The following CLEC1B variants were observed in gnomAD, a reference collection of about 807,000 sequenced individuals.
The protein encoded by CLEC1B is C-type lectin-like receptor 2.
Under a neutral mutation model 26.7 loss-of-function variants are expected in CLEC1B, and 26 were observed. The observed-to-expected ratio is 0.97, with a 90% CI of 0.71 to 1.35. The LOEUF (loss-of-function observed/expected upper bound fraction) is 1.35. Ranked by LOEUF, CLEC1B falls within the 40% of genes most tolerant of loss-of-function variation. The probability of loss-of-function intolerance (pLI) is 0.00; values close to 1 mark genes in which losing one functional copy is unlikely to be tolerated. For synonymous variants in CLEC1B, 112 were observed against 96.0 expected (o/e 1.17, Z -0.97); for missense variants, 293 against 282.6 (o/e 1.04, Z -0.26).
In CLEC1B at chr12:9,994,448, T is replaced by C. The variant is rs540966621; in HGVS notation, c.545+692A>G. ...CATAATTTGAGTAATAATCAGATTA[T>C]ATAAGTTTTGGTTATCAGTTTAAAT... On this transcript the variant is annotated intron_variant, in intron 5 of 5. Coordinates refer to ENST00000298527, the MANE Select transcript of CLEC1B (RefSeq NM_016509.4). Among the ~76,000 whole-genome samples, 5 of 152,294 alleles carry C rather than the reference T, an allele frequency of 3.3e-5. No individual in the cohort carries two copies. The South Asian group carries it at 1.0e-3, about 32-fold the overall frequency.
intron 2 of CLEC1B, among the ~76,000 whole-genome samples, chr12:9,997,942 T>C (rs11834434): frequency 0.028 from 4,247 of 149,110 alleles, 208 homozygotes; most frequent in African/African-American, 0.098. Context: ...ATATATGAAA[T>C]TGAAAAACTC....
At chr12:10,001,881 C>CTTTT (rs11436719), upstream of CLEC1B, among the ~76,000 whole-genome samples, 5 of 134,214 alleles carry the variant, frequency 3.7e-5, no homozygotes, top group Non-Finnish European at 4.7e-5. Flanking sequence ...TAAACAAAAT[C>CTTTT]TTTTTTTTTT....
chr12:9,996,817 C>T (rs1396172079), intron 4 of CLEC1B, 29 bp downstream of exon 4: 1 of 1,613,002 alleles, frequency 6.2e-7, no homozygotes, highest in Non-Finnish European at 8.5e-7. Flanking sequence ...TCCTTGCCTC[C>T]AAAATATTTG....
upstream of CLEC1B, among the ~76,000 whole-genome samples, chr12:10,001,693 G>A (rs999778553): frequency 2.0e-5 from 3 of 152,166 alleles, no homozygotes; most frequent in African/African-American, 7.2e-5. Flanking sequence ...GCAGGAAAGA[G>A]AGATAGATAT....
At chr12:9,996,190 G>A (rs759994340) in intron 4 of CLEC1B, among the ~76,000 whole-genome samples, 1 of 151,898 alleles carries the variant, frequency 6.6e-6, no homozygotes, top group Non-Finnish European at 1.5e-5. Flanking sequence ...TTGAGCCACC[G>A]GGAACCTTTC....
chr12:9,999,965 G>C (rs1227072405), upstream of CLEC1B, among the ~76,000 whole-genome samples: 1 of 152,124 alleles, frequency 6.6e-6, no homozygotes, highest in African/African-American at 2.4e-5. Flanking sequence ...TTTATGAAAT[G>C]GGCTTTTACA....
intron 2 of CLEC1B, among the ~76,000 whole-genome samples, chr12:9,997,884 TAGAG>T (rs1452134126): frequency 2.0e-5 from 3 of 151,982 alleles, no homozygotes; most frequent in East Asian, 1.9e-4. Context: ...AAATTTTAGG[TAGAG>T]AGAATAGAAT....
At chr12:10,001,775 C>T (rs1327117064), upstream of CLEC1B, among the ~76,000 whole-genome samples, 1 of 152,068 alleles carries the variant, frequency 6.6e-6, no homozygotes, top group Non-Finnish European at 1.5e-5. Context: ...CTCCAAGTCC[C>T]GTTATTAGCT....
At chr12:9,998,175 A>G in intron 2 of CLEC1B, 107 bp downstream of exon 2, 1 of 811,296 alleles carries the variant, frequency 1.2e-6, no homozygotes, top group East Asian at 2.4e-5. Context: ...ACAACTGTAG[A>G]AGTGATAAAC....
chr12:9,997,113 T>A (rs1865070984), intron 3 of CLEC1B, 47 bp downstream of exon 3: 4 of 1,610,220 alleles, frequency 2.5e-6, no homozygotes, highest in Non-Finnish European at 3.4e-6. Flanking sequence ...ATCAGAGAAA[T>A]GCTCCAGGGG....
At chr12:9,997,336 A>G in intron 2 of CLEC1B, 57 bp from the exon 3 acceptor site, 1 of 1,484,732 alleles carries the variant, frequency 6.7e-7, no homozygotes, top group Non-Finnish European at 9.2e-7. Flanking sequence ...AAATGATGCA[A>G]AGGTCTGTCA....
At chr12:9,994,358 G>A (rs960416966) in intron 5 of CLEC1B, among the ~76,000 whole-genome samples, 8 of 152,144 alleles carry the variant, frequency 5.3e-5, no homozygotes, top group African/African-American at 1.9e-4. Context: ...CTTGCTTGTA[G>A]TTGTAGTATC....
chr12:9,996,053 C>T (rs1002111997), intron 4 of CLEC1B, among the ~76,000 whole-genome samples: 14 of 152,046 alleles, frequency 9.2e-5, no homozygotes, highest in Admixed American at 8.5e-4. Context: ...CCCAGAATAA[C>T]AAGTGATAAT....
Position 9,997,003 on chromosome 12 carries a change from G to A in CLEC1B, c.284-3C>T, listed in dbSNP as rs372730493. 34 of 1,613,536 alleles carry A rather than the reference G, an allele frequency of 2.1e-5. No individual in the cohort carries two copies. Among genetic ancestry groups the A allele is most frequent in the Non-Finnish European group, 2.9e-5 (34 of 1,179,874 alleles). On this transcript the variant is annotated splice_polypyrimidine_tract_variant and splice_region_variant and intron_variant, in intron 3 of 5. Transcript: ENST00000298527. Reference sequence around the variant, plus strand: ...ACAGGGGCTGCATTTATGACCTTCTGGAGAAACCAAGCACAGGAATGGTGT... The same window carrying A: ...ACAGGGGCTGCATTTATGACCTTCTAGAGAAACCAAGCACAGGAATGGTGT...
In CLEC1B at chr12:9,996,850, A is replaced by G; in HGVS notation, c.434T>C (p.Ile145Thr). The G allele has an allele frequency of 2.5e-6, 4 of 1,614,018 alleles. No individual in the cohort carries two copies. Among genetic ancestry groups the G allele is most frequent in the Non-Finnish European group, 3.4e-6 (4 of 1,179,936 alleles). ...ATLLKIDNRN[I>T]VEYIKARTHL... Reference sequence around the variant, plus strand: ...TTGACATAAGAATCTTCTTACCACAATGTTCCGGTTGTCAATCTTCAGGAG... The same window carrying G: ...TTGACATAAGAATCTTCTTACCACAGTGTTCCGGTTGTCAATCTTCAGGAG... The change falls in exon 4 of 6, where the codon ATT becomes ACT. Residue 145 changes from isoleucine to threonine, a missense_variant. Physicochemically the swap from Ile to Thr is moderately conservative, Grantham distance 89. Transcript: ENST00000298527.
chr12:9,996,900 C>T lies in CLEC1B; in HGVS notation c.384G>A (p.Gln128=). ...GAGTAGCATTCATGTCAGTGCAGTA[C>T]TGCTTACTCTCTTCCCATGTTAAGT... The part of the protein sequence containing the change: ...RHNLTWEESK[Q]YCTDMNATLL... Residue 128 remains glutamine (Q), a synonymous_variant, in exon 4 of 6, where the codon CAG becomes CAA. Transcript: ENST00000298527. The T allele has an allele frequency of 6.2e-7, 1 of 1,613,900 alleles. No individual in the cohort carries two copies. Among genetic ancestry groups the T allele is most frequent in the Non-Finnish European group, 8.5e-7 (1 of 1,179,808 alleles).
In CLEC1B at chr12:9,999,052, G is replaced by C; in HGVS notation, c.49C>G (p.Pro17Ala). ...YITLNIKTRK[P>A]ALISVGSASS... ...GCATTCTTACCGGAGATGAGAGCTG[G>C]TTTCCGAGTTTTAATATTTAAGGTG... Residue 17 changes from proline to alanine, a missense_variant, in exon 1 of 6, where the codon CCA becomes GCA. Coordinates refer to ENST00000298527, the MANE Select transcript of CLEC1B (RefSeq NM_016509.4). 6.2e-7 allele frequency: 1 copy of C among 1,603,478 alleles called. No homozygotes were observed. The highest frequency in any genetic ancestry group is 8.5e-7 in the Non-Finnish European group (1 of 1,172,064).
Position 9,998,266 on chromosome 12 carries a change from C to T in CLEC1B, c.163+16G>A, listed in dbSNP as rs180835696. On this transcript the variant is annotated intron_variant, in intron 2 of 5. Transcript: ENST00000298527. Reference sequence around the variant, plus strand: ...TACCTTCCTCCAGTCAAATTTCTGGCAGAGTCAACACTTACACCAAATCCC... The same window carrying T: ...TACCTTCCTCCAGTCAAATTTCTGGTAGAGTCAACACTTACACCAAATCCC... 9 of 1,604,334 alleles carry T rather than the reference C, an allele frequency of 5.6e-6. No individual in the cohort carries two copies. In the East Asian group the frequency reaches 2.0e-4, roughly 36 times the overall value.
At chr12:9,997,049 A>C in intron 3 of CLEC1B, 49 bp from the exon 4 acceptor site, 1 of 1,610,802 alleles carries the variant, frequency 6.2e-7, no homozygotes, top group Non-Finnish European at 8.5e-7. Flanking sequence ...AATTGGGCTT[A>C]CATTTTCTTC....
Sources: allele counts gnomAD v4.1 joint callset (sites outside exome capture counted in the v4.1 genomes callset), GRCh38; gene constraint gnomAD v4.1.1; transcripts MANE v1.5; gene names NCBI Gene and HGNC (gene_info 2026-07-23, HGNC 2026-07-21).